The following KNTC1 variants were observed in gnomAD, a reference collection of about 807,000 sequenced individuals.
The protein encoded by KNTC1 is kinetochore-associated protein 1.
In KNTC1, 253 loss-of-function variants were observed where a neutral mutation model predicts 314.4. That is an observed-to-expected ratio of 0.80 (90% confidence interval 0.73 to 0.89). The LOEUF (loss-of-function observed/expected upper bound fraction) is 0.89, where lower values mean the gene tolerates loss of function less well. Among genes scored for constraint, KNTC1 ranks in the 40% least tolerant of loss-of-function variants. KNTC1 has a pLI of 0.00. For synonymous variants in KNTC1, 901 were observed against 901.4 expected, an observed-to-expected ratio of 1.00 and a Z score of 0.01; for missense variants, 2,475 against 2,572.9, an observed-to-expected ratio of 0.96 and a Z score of 0.82.
chr12:122,555,894 C>A (rs536571483), intron 16 of KNTC1, among the ~76,000 whole-genome samples: 2 of 152,134 alleles, frequency 1.3e-5, no homozygotes, highest in South Asian at 4.1e-4. Flanking sequence ...TATATACTTT[C>A]GATGTGCAAT....
chr12:122,551,860 G>A (rs140902961), intron 16 of KNTC1, among the ~76,000 whole-genome samples, 164 bp downstream of exon 16: 328 of 152,108 alleles, frequency 2.2e-3, no homozygotes, highest in African/African-American at 7.6e-3. Flanking sequence ...GTGACCCATA[G>A]TTGGGCAGAA....
chr12:122,555,032 G>A (rs1963485589), intron 16 of KNTC1, among the ~76,000 whole-genome samples: 1 of 148,416 alleles, frequency 6.7e-6, no homozygotes, highest in Non-Finnish European at 1.5e-5. Context: ...GTGACAGAGC[G>A]AGATCTTGTC....
rs749093356 is a variant in KNTC1, at chr12:122,597,752, T to C, written c.4377T>C (p.Asp1459=). 6.2e-7 allele frequency: 1 copy of C among 1,613,902 alleles called. No homozygotes were observed. Among genetic ancestry groups the C allele is most frequent in the South Asian group, 1.1e-5 (1 of 91,076 alleles). ...EYCSTFQLDC[D]AVLQLFIETL... ...TTAGCACATTTCAGTTGGACTGCGA[T>C]GCAGTTCTTCAGCTCTTCATTGAAA... The change falls in exon 44 of 64, where the codon GAT becomes GAC. Residue 1459 remains aspartate (D), a synonymous_variant. Coordinates refer to ENST00000333479, the MANE Select transcript of KNTC1 (RefSeq NM_014708.6).
rs1179341123 is a variant in KNTC1, at chr12:122,530,027, A to T, written c.-37A>T. ...TCTAATTTTATGTTGTTCAGGAAAG[A>T]CAGTGGTTCCTGACTCAGGAAGACA... On this transcript the variant is annotated 5_prime_UTR_variant, in exon 2 of 64. Coordinates refer to ENST00000333479, the MANE Select transcript of KNTC1 (RefSeq NM_014708.6). 1 of 1,607,756 alleles carries T rather than the reference A, an allele frequency of 6.2e-7. No homozygotes were observed. The highest frequency in any genetic ancestry group is 1.7e-5 in the Admixed American group (1 of 59,210).
Position 122,557,525 on chromosome 12 carries a change from C to G in KNTC1, c.1398+16C>G. On this transcript the variant is annotated intron_variant, in intron 17 of 63. Transcript: ENST00000333479. ...TAAGATCCAGGTATGTTTTTCTTGTCACATACTACAGTATTTAGATTGACG... is the reference window on the plus strand; with the variant it reads ...TAAGATCCAGGTATGTTTTTCTTGTGACATACTACAGTATTTAGATTGACG... 6.2e-7 allele frequency: 1 copy of G among 1,612,554 alleles called. No homozygotes were observed. Among genetic ancestry groups the G allele is most frequent in the Non-Finnish European group, 8.5e-7 (1 of 1,179,108 alleles).
rs191893013 is a variant in KNTC1, at chr12:122,538,274, A to C, written c.251-65A>C. On this transcript the variant is annotated intron_variant, in intron 3 of 63. Coordinates refer to ENST00000333479, the MANE Select transcript of KNTC1 (RefSeq NM_014708.6). Reference sequence around the variant, plus strand: ...TGGCTTTTTAATGAGAAAAATTTGTATTTTTTTTGTATTGAAAATAAAGAT... The same window carrying C: ...TGGCTTTTTAATGAGAAAAATTTGTCTTTTTTTTGTATTGAAAATAAAGAT... The C allele has an allele frequency of 3.3e-3, 3,120 of 949,086 alleles. 7 individuals carry two copies. The highest frequency in any genetic ancestry group is 0.012 in the Middle Eastern group (49 of 4,242). 58.8% of individuals were successfully genotyped at this position (949,086 alleles called of 1,614,324 possible).
At chr12:122,597,158 AAAG>A (rs1871166063) in intron 43 of KNTC1, 1 of 152,520 alleles carries the variant, frequency 6.6e-6, no homozygotes, top group Non-Finnish European at 1.5e-5. Flanking sequence ...TTTTTATACT[AAAG>A]AGCATAAATA....
At chr12:122,625,087 TA>T (rs2138208723) in intron 63 of KNTC1, among the ~76,000 whole-genome samples, 1 of 152,264 alleles carries the variant, frequency 6.6e-6, no homozygotes, top group South Asian at 2.1e-4. Flanking sequence ...TTTAATTACC[TA>T]AAACGTATAT....
intron 2 of KNTC1, among the ~76,000 whole-genome samples, chr12:122,532,023 G>A (rs1358153181): frequency 1.4e-5 from 2 of 144,520 alleles, no homozygotes; most frequent in African/African-American, 2.6e-5. Context: ...TTGAGCCACC[G>A]CACCCGGCCA....
At chr12:122,530,337 C>T (rs374377934) in intron 2 of KNTC1, 145 bp downstream of exon 2, 14 of 658,298 alleles carry the variant, frequency 2.1e-5, no homozygotes, top group East Asian at 1.1e-4. Flanking sequence ...TAGAAATTCA[C>T]GTCTGAATAC....
intron 57 of KNTC1, 39 bp from the exon 58 acceptor site, chr12:122,618,304 C>A (rs1285470435): frequency 3.1e-6 from 5 of 1,594,332 alleles, no homozygotes; most frequent in South Asian, 2.2e-5. Context: ...TTGTAATATC[C>A]TTAACATGAA....
At chr12:122,542,557 G>T (rs891070188) in intron 6 of KNTC1, among the ~76,000 whole-genome samples, 9 of 152,128 alleles carry the variant, frequency 5.9e-5, no homozygotes, top group Non-Finnish European at 8.8e-5. Flanking sequence ...CCTGAGGTTG[G>T]GAGTGCAAGA....
chr12:122,553,503 C>T (rs1359416163), intron 16 of KNTC1, among the ~76,000 whole-genome samples: 5 of 151,910 alleles, frequency 3.3e-5, no homozygotes, highest in African/African-American at 1.2e-4. Context: ...GCACCCCAGC[C>T]TGGGCATCAT....
At chr12:122,547,358 A>G in intron 10 of KNTC1, 57 bp from the exon 11 acceptor site, 1 of 1,105,148 alleles carries the variant, frequency 9.0e-7, no homozygotes, top group Non-Finnish European at 1.4e-6. Flanking sequence ...CTGGGCGACA[A>G]GAGCAAAACT....
At chr12:122,613,067 C>A in intron 53 of KNTC1, 45 bp from the exon 54 acceptor site, 1 of 975,456 alleles carries the variant, frequency 1.0e-6, no homozygotes, top group Non-Finnish European at 1.6e-6. Flanking sequence ...TACCCAACTA[C>A]AATGTGCAGG....
chr12:122,564,764 G>A (rs890950363), intron 20 of KNTC1, among the ~76,000 whole-genome samples: 5 of 152,142 alleles, frequency 3.3e-5, no homozygotes, highest in African/African-American at 9.7e-5. Flanking sequence ...GAGGTACCAC[G>A]CCCAGTGCTC....
rs1195777746 is a variant in KNTC1 at position 122,597,950 on chromosome 12, G to C, written c.4563+12G>C. On this transcript the variant is annotated intron_variant, in intron 44 of 63. Transcript: ENST00000333479. ...GAATACTACATAAGGTAGACACACA[G>C]TGAAATGAATCGGGTCATCTCAGCC... 2 of 1,608,122 alleles carry C rather than the reference G, an allele frequency of 1.2e-6. No individual in the cohort carries two copies. The highest frequency in any genetic ancestry group is 1.7e-5 in the Admixed American group (1 of 60,000).
chr12:122,565,284 TTTA>T (rs1964255190), intron 20 of KNTC1, among the ~76,000 whole-genome samples: 1 of 150,596 alleles, frequency 6.6e-6, no homozygotes, highest in Non-Finnish European at 1.5e-5. Flanking sequence ...TTTCTGTGGT[TTTA>T]TTATTGTTGT....
intron 2 of KNTC1, 104 bp from the exon 3 acceptor site, chr12:122,534,560 A>G: frequency 9.0e-7 from 1 of 1,114,570 alleles, no homozygotes; most frequent in Non-Finnish European, 1.3e-6. Flanking sequence ...AAAGCCTGTC[A>G]AGTTTTAAAG....
Sources: gnomAD v4.1 joint callset for allele counts (sites outside exome capture counted in the v4.1 genomes callset) on GRCh38, gnomAD v4.1.1 for gene constraint, MANE v1.5 for transcripts, NCBI Gene and HGNC (gene_info 2026-07-23, HGNC 2026-07-21) for gene names.